The following WDPCP variants were observed in gnomAD, a reference collection of about 807,000 sequenced individuals.
The protein encoded by WDPCP is WD repeat containing planar cell polarity effector.
Under a neutral mutation model 93.1 loss-of-function variants are expected in WDPCP, and 71 were observed. The ratio of observed to expected loss-of-function variants is 0.76; its 90% confidence interval spans 0.63 to 0.93. The LOEUF (loss-of-function observed/expected upper bound fraction) is 0.93, where lower values mean the gene tolerates loss of function less well. Ranked by LOEUF, WDPCP falls within the 40% of genes least tolerant of loss-of-function variation. WDPCP has a pLI of 0.00. For synonymous variants in WDPCP, 315 were observed against 315.0 expected, an observed-to-expected ratio of 1.00 and a Z score of 0.00; for missense variants, 844 against 887.4, an observed-to-expected ratio of 0.95 and a Z score of 0.62.
intron 1 of WDPCP, among the ~76,000 whole-genome samples, chr2:63,557,231 C>A (rs887920814): frequency 4.6e-5 from 7 of 152,140 alleles, no homozygotes; most frequent in African/African-American, 1.7e-4. Context: ...GATAAAGAAT[C>A]AAGACCCCAA....
At chr2:63,196,446 A>G (rs1675441281) in intron 14 of WDPCP, among the ~76,000 whole-genome samples, 1 of 152,210 alleles carries the variant, frequency 6.6e-6, no homozygotes, top group Admixed American at 6.5e-5. Context: ...TACAGCTTTC[A>G]TGTGGGTACA....
At chr2:63,155,802 A>T (rs1672203285) in intron 15 of WDPCP, among the ~76,000 whole-genome samples, 1 of 152,202 alleles carries the variant, frequency 6.6e-6, no homozygotes, top group South Asian at 2.1e-4. Context: ...TTCCTTTTTC[A>T]AAATGTTTTT....
intron 1 of WDPCP, among the ~76,000 whole-genome samples, chr2:63,575,612 A>T (rs1261139676): frequency 1.4e-5 from 2 of 147,624 alleles, no homozygotes; most frequent in Non-Finnish European, 1.5e-5. Flanking sequence ...TATACGGTAT[A>T]CTACCAAAGG....
At chr2:63,190,461 A>T (rs1674962161) in intron 14 of WDPCP, among the ~76,000 whole-genome samples, 1 of 150,908 alleles carries the variant, frequency 6.6e-6, no homozygotes, top group African/African-American at 2.4e-5. Context: ...AGTAGAGGAG[A>T]AAAGTTTTTA....
At chr2:63,517,050 C>T (rs1005079048) in intron 1 of WDPCP, among the ~76,000 whole-genome samples, 4 of 152,100 alleles carry the variant, frequency 2.6e-5, no homozygotes, top group Non-Finnish European at 5.9e-5. Context: ...CCTCTTTTCC[C>T]TTCTTGGCTC....
At position 63,487,435 on chromosome 2, in the gene WDPCP, T is replaced by C. The variant is rs2105920017; in HGVS notation, c.208+12A>G. 3.2e-6 allele frequency: 5 copies of C among 1,574,290 alleles called. No homozygotes were observed. Among genetic ancestry groups the C allele is most frequent in the East Asian group, 2.2e-5 (1 of 44,530 alleles). ...GTTAATAAAAATTAATTGCACAGAA[T>C]AGGTACTTTACCTGGTGGATCTTTC... is the stretch of plus-strand genomic sequence containing the variant. On this transcript the variant is annotated intron_variant, in intron 3 of 17. Coordinates refer to ENST00000272321, the MANE Select transcript of WDPCP (RefSeq NM_015910.7).
At chr2:63,592,235 A>G (rs905752613), upstream of WDPCP, among the ~76,000 whole-genome samples, 4 of 152,260 alleles carry the variant, frequency 2.6e-5, no homozygotes, top group Non-Finnish European at 5.9e-5. Flanking sequence ...AGGTAATATC[A>G]TTAGTACTAA....
At chr2:63,212,175 C>G (rs541285431) in intron 14 of WDPCP, among the ~76,000 whole-genome samples, 1 of 151,990 alleles carries the variant, frequency 6.6e-6, no homozygotes, top group African/African-American at 2.4e-5. Context: ...TCAGATTCAC[C>G]GAAGTTGAAA....
At chr2:63,270,859 C>T (rs937816295) in intron 13 of WDPCP, among the ~76,000 whole-genome samples, 1 of 152,294 alleles carries the variant, frequency 6.6e-6, no homozygotes, top group African/African-American at 2.4e-5. Flanking sequence ...CTGTTCCAGA[C>T]AGGTAGTTTG....
At chr2:63,342,253 C>T (rs1028174000) in intron 12 of WDPCP, among the ~76,000 whole-genome samples, 1 of 152,198 alleles carries the variant, frequency 6.6e-6, no homozygotes, top group Non-Finnish European at 1.5e-5. Context: ...TCCTAACAAG[C>T]CATGGTACCT....
Position 63,121,248 on chromosome 2 carries a change from G to C in WDPCP, c.*758C>G, listed in dbSNP as rs774388632. 6 of 152,148 alleles carry C rather than the reference G, an allele frequency of 3.9e-5. No individual in the cohort carries two copies. The highest frequency in any genetic ancestry group is 1.4e-4 in the African/African-American group (6 of 41,430). The allele number at this position is 152,148 out of a possible 1,614,324, so 9.4% of individuals were successfully genotyped here. On this transcript the variant is annotated 3_prime_UTR_variant, in exon 18 of 18. Transcript: ENST00000272321. ...GGCAAATTACTCATAGCAGTAATTC[G>C]AGAGAACCATGGAGAATTGTCTTCT...
intron 10 of WDPCP, among the ~76,000 whole-genome samples, chr2:63,383,615 C>A (rs902058635): frequency 2.0e-5 from 3 of 151,988 alleles, no homozygotes; most frequent in African/African-American, 7.2e-5. Flanking sequence ...CGGGAGGCTG[C>A]AGCAGGAGAA....
At chr2:63,315,937 T>G (rs1686602293) in intron 12 of WDPCP, among the ~76,000 whole-genome samples, 1 of 151,966 alleles carries the variant, frequency 6.6e-6, no homozygotes, top group Admixed American at 6.6e-5. Flanking sequence ...AATACTTTTT[T>G]TTTTTTGTAG....
chr2:63,170,317 G>C (rs527760446), intron 15 of WDPCP, among the ~76,000 whole-genome samples: 1 of 147,990 alleles, frequency 6.8e-6, no homozygotes, highest in South Asian at 2.1e-4. Flanking sequence ...CTGTCACCCT[G>C]GCTGGAGTGC....
At chr2:63,745,700 T>C (rs547701372) in intron 2 of WDPCP, among the ~76,000 whole-genome samples, 6 of 152,190 alleles carry the variant, frequency 3.9e-5, no homozygotes, top group African/African-American at 1.4e-4. Context: ...TCCCTTTCTC[T>C]GGAGAATCTT....
chr2:63,533,638 A>C (rs1704037906), intron 1 of WDPCP, among the ~76,000 whole-genome samples: 1 of 152,242 alleles, frequency 6.6e-6, no homozygotes, highest in Admixed American at 6.5e-5. Flanking sequence ...TGAAGGCAGA[A>C]ATAAAGATGT....
At chr2:63,598,379 T>C (rs898867091) in intron 3 of WDPCP, among the ~76,000 whole-genome samples, 4 of 152,154 alleles carry the variant, frequency 2.6e-5, no homozygotes, top group Non-Finnish European at 4.4e-5. Flanking sequence ...TCCACCTGTC[T>C]TGGCCTCCCA....
intron 15 of WDPCP, 104 bp downstream of exon 15, chr2:63,174,566 T>C: frequency 1.3e-6 from 2 of 1,505,888 alleles, no homozygotes; most frequent in Non-Finnish European, 9.2e-7. Flanking sequence ...TGCAAATTTT[T>C]CTCCTTGACA....
intron 13 of WDPCP, among the ~76,000 whole-genome samples, chr2:63,303,970 C>CAAAAAAAAAAAAAAAAA (rs34553510): frequency 1.5e-5 from 2 of 131,360 alleles, no homozygotes; most frequent in Non-Finnish European, 3.3e-5. Context: ...AGTAAAAAGT[C>CAAAAAAAAAAAAAAAAA]AAAAAAAAAA....
Sources: gnomAD v4.1 joint callset for allele counts (sites outside exome capture counted in the v4.1 genomes callset) on GRCh38, gnomAD v4.1.1 for gene constraint, MANE v1.5 for transcripts, NCBI Gene and HGNC (gene_info 2026-07-23, HGNC 2026-07-21) for gene names.